Variants in NRG3 observed in about 807,000 individuals in gnomAD.
NRG3 encodes the protein pro-neuregulin-3, membrane-bound isoform.
A neutral mutation model predicts 66.9 loss-of-function variants in NRG3; 31 were observed. The ratio of observed to expected loss-of-function variants is 0.46; its 90% CI spans 0.35 to 0.63. The LOEUF is 0.63. NRG3 is among the 20% of genes least tolerant of loss of function. The probability of loss-of-function intolerance (pLI) is 0.00; values close to 1 mark genes in which losing one functional copy is unlikely to be tolerated. For synonymous variants in NRG3, 393 were observed against 359.4 expected (o/e 1.09, Z -1.06); for missense variants, 910 against 878.9 (o/e 1.04, Z -0.45).
intron 6 of NRG3, 24 bp from the exon 7 acceptor site, chr10:82,973,764 C>T (rs745604358): frequency 1.2e-6 from 2 of 1,613,576 alleles, no homozygotes; most frequent in Non-Finnish European, 1.7e-6. Flanking sequence ...TTCGTCTCAA[C>T]TCTGTACGTG....
chr10:82,058,924 C>G (rs564195759), intron 1 of NRG3, among the ~76,000 whole-genome samples: 71 of 152,194 alleles, frequency 4.7e-4, no homozygotes, highest in African/African-American at 1.6e-3. Flanking sequence ...AGCTTCCTGG[C>G]AGGGGTGATT....
At position 82,403,811 on chromosome 10, in the gene NRG3, A is replaced by G. The variant is rs138327794; in HGVS notation, c.953+44943A>G. 4.6e-5 allele frequency among the ~76,000 whole-genome samples: 7 copies of G among 152,224 alleles called. No homozygotes were observed. The East Asian group carries it at 5.8e-4, about 13-fold the overall frequency. ...AGACCTGCCTTCTGGGCTCATTTCT[A>G]TATCTTATCAATAATATGACTTTGG... On this transcript the variant is annotated intron_variant, in intron 2 of 8. Transcript: ENST00000372141.
intron 2 of NRG3, among the ~76,000 whole-genome samples, chr10:82,539,783 C>T (rs946899504): frequency 2.0e-5 from 3 of 152,082 alleles, no homozygotes; most frequent in Non-Finnish European, 4.4e-5. Context: ...CAGGTGCTTG[C>T]CACCACGGCC....
chr10:82,361,094 T>C (rs2084110477), intron 2 of NRG3, among the ~76,000 whole-genome samples: 1 of 152,226 alleles, frequency 6.6e-6, no homozygotes, highest in Admixed American at 6.5e-5. Flanking sequence ...ATAAATTCAG[T>C]CCATAACAAT....
intron 2 of NRG3, among the ~76,000 whole-genome samples, chr10:82,411,512 A>G (rs2088086986): frequency 6.6e-6 from 1 of 152,134 alleles, no homozygotes; most frequent in African/African-American, 2.4e-5. Context: ...GAAGGCATCA[A>G]CAATTGCAAA....
intron 1 of NRG3, among the ~76,000 whole-genome samples, chr10:82,242,660 G>A (rs2077055641): frequency 6.6e-6 from 1 of 152,158 alleles, no homozygotes; most frequent in Non-Finnish European, 1.5e-5. Context: ...TTGTATTGTA[G>A]AAGAAGACTT....
At chr10:82,067,198 TG>T (rs2064527244) in intron 1 of NRG3, among the ~76,000 whole-genome samples, 1 of 152,236 alleles carries the variant, frequency 6.6e-6, no homozygotes, top group Non-Finnish European at 1.5e-5. Flanking sequence ...GGAATTTTTT[TG>T]AAGGAAAATT....
intron 4 of NRG3, among the ~76,000 whole-genome samples, chr10:82,887,018 TC>T (rs1842775382): frequency 6.6e-6 from 1 of 152,184 alleles, no homozygotes; most frequent in Non-Finnish European, 1.5e-5. Context: ...TTCTTACCCT[TC>T]GGAAATGTCT....
chr10:82,692,989 G>A (rs568114760), intron 2 of NRG3, among the ~76,000 whole-genome samples: 6 of 152,246 alleles, frequency 3.9e-5, no homozygotes, highest in South Asian at 2.1e-4. Flanking sequence ...TAGATGGGCC[G>A]CCCCTCAACA....
chr10:82,976,950 C>G lies in NRG3; in HGVS notation c.1413-2000C>G, dbSNP rs561468639. On this transcript the variant is annotated intron_variant, in intron 7 of 8. Transcript: ENST00000372141. ...CATAGTAGTCCTGGGGCACAGCAGT[C>G]TCATTTATTGCTTTTTTTGCCCTCG... is the stretch of plus-strand genomic sequence containing the variant. 1.7e-4 allele frequency among the ~76,000 whole-genome samples: 26 copies of G among 152,224 alleles called. No individual in the cohort carries two copies. In the South Asian group the frequency reaches 5.4e-3, roughly 32 times the overall value.
At chr10:82,103,393 A>G (rs986387622) in intron 1 of NRG3, among the ~76,000 whole-genome samples, 8 of 152,142 alleles carry the variant, frequency 5.3e-5, no homozygotes, top group African/African-American at 1.9e-4. Flanking sequence ...TCTGAATGAT[A>G]TTGCTTGTTT....
rs142098781 is a variant in NRG3 at position 82,224,045 on chromosome 10, A to G, written c.824-134694A>G. ...GAAAAGCCAGTTGTGTCATCTATCCAGGGATGCCACCATGTGAGAACAAGG... is the reference window on the plus strand; with the variant it reads ...GAAAAGCCAGTTGTGTCATCTATCCGGGGATGCCACCATGTGAGAACAAGG... On this transcript the variant is annotated intron_variant, in intron 1 of 8. Transcript: ENST00000372141. Among the ~76,000 whole-genome samples the G allele has an allele frequency of 1.7e-3, 254 of 152,320 alleles. 1 individual carries two copies. Among genetic ancestry groups the G allele is most frequent in the African/African-American group, 5.6e-3 (231 of 41,572 alleles).
intron 1 of NRG3, among the ~76,000 whole-genome samples, chr10:82,188,398 G>A (rs937012698): frequency 6.6e-6 from 1 of 152,108 alleles, no homozygotes; most frequent in Non-Finnish European, 1.5e-5. Context: ...ATTGGTCTAG[G>A]CAAAGATTTT....
chr10:82,820,216 C>T (rs942740055), intron 3 of NRG3, among the ~76,000 whole-genome samples: 2 of 152,172 alleles, frequency 1.3e-5, no homozygotes, highest in Admixed American at 1.3e-4. Flanking sequence ...TTATACTTTG[C>T]ACTGAAAAGC....
chr10:81,893,099 T>C lies in NRG3; in HGVS notation c.823+16936T>C, dbSNP rs144729765. ...ACAGAGGATTTTCACTATAGGAAATTAGAAAATATAAGTAATAAACGGAAA... is the reference window on the plus strand; with the variant it reads ...ACAGAGGATTTTCACTATAGGAAATCAGAAAATATAAGTAATAAACGGAAA... On this transcript the variant is annotated intron_variant, in intron 1 of 8. Transcript: ENST00000372141. Among the ~76,000 whole-genome samples, 1,457 of 152,320 alleles carry C rather than the reference T, an allele frequency of 9.6e-3. 19 individuals are homozygous for C. The highest frequency in any genetic ancestry group is 0.033 in the African/African-American group (1,383 of 41,568).
intron 1 of NRG3, among the ~76,000 whole-genome samples, chr10:82,024,794 C>G (rs2062224195): frequency 1.3e-5 from 2 of 152,094 alleles, no homozygotes; most frequent in Admixed American, 1.3e-4. Context: ...TTCAGTGATT[C>G]AACTGTGTTC....
At chr10:82,161,552 C>T (rs1044385666) in intron 1 of NRG3, among the ~76,000 whole-genome samples, 6 of 152,016 alleles carry the variant, frequency 3.9e-5, no homozygotes, top group Non-Finnish European at 8.8e-5. Context: ...CCCAGTTTTA[C>T]TGATAAGAAA....
intron 1 of NRG3, among the ~76,000 whole-genome samples, chr10:82,195,987 T>G (rs932881288): frequency 2.0e-5 from 3 of 152,060 alleles, no homozygotes; most frequent in Non-Finnish European, 1.5e-5. Context: ...GAGACTAGTT[T>G]CAGATGTCTG....
intron 1 of NRG3, among the ~76,000 whole-genome samples, chr10:81,979,443 A>C (rs1157872722): frequency 6.6e-6 from 1 of 152,196 alleles, no homozygotes; most frequent in African/African-American, 2.4e-5. Context: ...TCAAATGAAG[A>C]GAAATGCAAG....
Sources: gnomAD v4.1 joint callset for allele counts (sites outside exome capture counted in the v4.1 genomes callset) on GRCh38, gnomAD v4.1.1 for gene constraint, MANE v1.5 for transcripts, NCBI Gene and HGNC (gene_info 2026-07-23, HGNC 2026-07-21) for gene names.